UBAP2: variants seen among roughly 807,000 people sequenced by gnomAD.
UBAP2 encodes ubiquitin associated protein 2.
A neutral mutation model predicts 139.6 loss-of-function variants in UBAP2; 75 were observed. That is an observed-to-expected ratio of 0.54 (90% CI 0.45 to 0.65). The LOEUF is 0.65. Ranked by LOEUF, UBAP2 falls within the 30% of genes least tolerant of loss-of-function variation. The pLI, the probability that UBAP2 is intolerant of heterozygous loss-of-function variation, is 0.00. For missense variants in UBAP2, 1,368 were observed against 1,369.6 expected (o/e 1.00, Z 0.02); for synonymous variants, 526 against 526.2 (o/e 1.00, Z 0.01).
At chr9:33,995,909 A>G (rs1269132542) in intron 4 of UBAP2, 1 of 227,628 alleles carries the variant, frequency 4.4e-6, no homozygotes. Context: ...ATGAAGAAAC[A>G]TAAGCAACAG....
At chr9:33,971,508 A>G (rs1827913192) in intron 8 of UBAP2, 143 bp downstream of exon 8, 2 of 597,788 alleles carry the variant, frequency 3.3e-6, no homozygotes, top group South Asian at 4.1e-5. Flanking sequence ...AGAACCAACT[A>G]AGAATAGTTT....
intron 13 of UBAP2, among the ~76,000 whole-genome samples, chr9:33,947,981 CAAAAAAA>C (rs34296980): frequency 1.2e-5 from 1 of 80,614 alleles, no homozygotes; most frequent in African/African-American, 4.6e-5. Flanking sequence ...GACCCCATCT[CAAAAAAA>C]AAAAAAAAAA....
intron 10 of UBAP2, among the ~76,000 whole-genome samples, chr9:33,958,500 C>T (rs955773929): frequency 6.6e-6 from 1 of 151,192 alleles, no homozygotes; most frequent in Non-Finnish European, 1.5e-5. Flanking sequence ...AAGTGCCTCC[C>T]GGGTTCAAGT....
intron 14 of UBAP2, among the ~76,000 whole-genome samples, 198 bp downstream of exon 14, chr9:33,944,167 T>C (rs13293357): frequency 0.13 from 19,255 of 152,108 alleles, 1,554 homozygotes; most frequent in African/African-American, 0.22. Context: ...GAAATAAGGA[T>C]CTGTGGCTCT....
chr9:34,038,343 G>A (rs1826651816), intron 1 of UBAP2, among the ~76,000 whole-genome samples: 1 of 152,124 alleles, frequency 6.6e-6, no homozygotes, highest in Non-Finnish European at 1.5e-5. Flanking sequence ...GCCAAAGCTG[G>A]ACTGTACTGC....
intron 1 of UBAP2, among the ~76,000 whole-genome samples, chr9:34,035,514 A>AAAAAAAAAAAATATATATATAT: frequency 1.3e-4 from 3 of 22,492 alleles, no homozygotes; most frequent in African/African-American, 2.5e-4. Flanking sequence ...AAAAAAAAAA[A>AAAAAAAAAAAATATATATATAT]ATATATATAT....
chr9:33,951,894 T>C (rs904066883), intron 12 of UBAP2, among the ~76,000 whole-genome samples: 3 of 152,104 alleles, frequency 2.0e-5, no homozygotes, highest in Non-Finnish European at 4.4e-5. Flanking sequence ...AGGAAAAGAC[T>C]CTGGTGCGTC....
intron 16 of UBAP2, 65 bp from the exon 17 acceptor site, chr9:33,935,943 T>C (rs1241336477): frequency 6.9e-7 from 1 of 1,443,686 alleles, no homozygotes; most frequent in Non-Finnish European, 9.5e-7. Context: ...GAGTGGCTTT[T>C]TATACTTTCT....
At chr9:34,021,394 T>G (rs1824928238) in intron 1 of UBAP2, among the ~76,000 whole-genome samples, 1 of 152,244 alleles carries the variant, frequency 6.6e-6, no homozygotes, top group East Asian at 1.9e-4. Context: ...GCCTCTCCAG[T>G]CAGTATGAAT....
At chr9:33,980,720 T>G (rs559731950) in intron 6 of UBAP2, among the ~76,000 whole-genome samples, 1 of 151,794 alleles carries the variant, frequency 6.6e-6, no homozygotes, top group Admixed American at 6.6e-5. Flanking sequence ...CTTTGGGAGT[T>G]TGAGGTGGGC....
At position 33,998,738 on chromosome 9, in the gene UBAP2, C is replaced by T. The variant is rs767073474; in HGVS notation, c.177+49G>A. ...TTTACTGAAATTATCTTTTTAAGCA[C>T]AATCAAAATAGATTATAAAAATGAT... On this transcript the variant is annotated intron_variant, in intron 3 of 28. Coordinates refer to ENST00000379238, the MANE Select transcript of UBAP2 (RefSeq NM_001370062.2). 8 of 1,521,170 alleles carry T rather than the reference C, an allele frequency of 5.3e-6. No individual in the cohort carries two copies. In the Middle Eastern group the frequency reaches 5.2e-4, roughly 99 times the overall value. 94.2% of individuals were successfully genotyped at this position (1,521,170 alleles called of 1,614,324 possible).
Position 33,922,390 on chromosome 9 carries a change from T to C in UBAP2, c.*114A>G. On this transcript the variant is annotated 3_prime_UTR_variant, in exon 29 of 29. Transcript: ENST00000379238. ...GGGAGGCAGACTCCCCACAGAGGCA[T>C]GGCTGACACATGTCGGGAATTCTAG... The C allele has an allele frequency of 2.0e-6, 2 of 1,012,814 alleles. No homozygotes were observed. The highest frequency in any genetic ancestry group is 3.0e-6 in the Non-Finnish European group (2 of 657,142). The allele number at this position is 1,012,814 out of a possible 1,614,324, so 62.7% of individuals were successfully genotyped here.
chr9:33,973,631 T>C (rs1260201770), intron 6 of UBAP2, among the ~76,000 whole-genome samples: 2 of 152,192 alleles, frequency 1.3e-5, no homozygotes, highest in African/African-American at 4.8e-5. Context: ...TTAAGTATCA[T>C]TTTAAATACT....
At chr9:33,941,188 A>G (rs557458998) in intron 16 of UBAP2, among the ~76,000 whole-genome samples, 1 of 152,370 alleles carries the variant, frequency 6.6e-6, no homozygotes, top group East Asian at 1.9e-4. Flanking sequence ...TAAAACTTTA[A>G]AACTATATCA....
At chr9:33,963,454 C>T (rs1192558575) in intron 9 of UBAP2, among the ~76,000 whole-genome samples, 2 of 152,130 alleles carry the variant, frequency 1.3e-5, no homozygotes, top group African/African-American at 4.8e-5. Context: ...GTTTTATGTT[C>T]AATTTAACTT....
intron 2 of UBAP2, 150 bp downstream of exon 2, chr9:34,016,900 C>A: frequency 1.6e-6 from 1 of 628,100 alleles, no homozygotes; most frequent in South Asian, 2.6e-5. Flanking sequence ...CCTAAAGTTT[C>A]CTACAAAGGA....
intron 9 of UBAP2, among the ~76,000 whole-genome samples, chr9:33,962,007 C>T (rs376521586): frequency 1.3e-5 from 2 of 152,004 alleles, no homozygotes; most frequent in African/African-American, 2.4e-5. Flanking sequence ...GTTTCAAAAC[C>T]GAAAACATTT....
At chr9:33,970,801 C>T (rs1263192626) in intron 8 of UBAP2, among the ~76,000 whole-genome samples, 2 of 151,792 alleles carry the variant, frequency 1.3e-5, no homozygotes, top group Admixed American at 6.6e-5. Context: ...TTCTGTTTTT[C>T]GTTTTTGTTG....
chr9:33,927,890 TG>T lies in UBAP2; in HGVS notation c.2277del (p.Ser760ValfsTer3), dbSNP rs758891294. 1.1e-5 allele frequency: 18 copies of T among 1,614,016 alleles called. No individual in the cohort carries two copies. The highest frequency in any genetic ancestry group is 1.5e-5 in the Non-Finnish European group (18 of 1,180,032). ...SSSASSGASL[S>X]SSMNTANSLC... ...AGGCTGTTCGCGGTGTTCATGCTAC[TG>T]GACAGGCTGGCGCCTGAGGATGCGG... On this transcript the variant is annotated frameshift_variant, in exon 20 of 29. Coordinates refer to ENST00000379238, the MANE Select transcript of UBAP2 (RefSeq NM_001370062.2). LOFTEE classifies it high-confidence loss of function.
Sources: allele counts gnomAD v4.1 joint callset (sites outside exome capture counted in the v4.1 genomes callset), GRCh38; gene constraint gnomAD v4.1.1; transcripts MANE v1.5; gene names NCBI Gene and HGNC (gene_info 2026-07-23, HGNC 2026-07-21).